Variants in APOL4 observed in about 807,000 individuals in gnomAD.
APOL4 encodes the protein apolipoprotein L, 4.
APOL4 carries 14 observed loss-of-function variants against 12.1 expected under a neutral mutation model. That is an observed-to-expected ratio of 1.16 (90% CI 0.76 to 1.81). The LOEUF (loss-of-function observed/expected upper bound fraction) is 1.81, where lower values mean the gene tolerates loss of function less well. APOL4 is among the 40% of genes most tolerant of loss of function. APOL4 has a pLI of 0.00. For synonymous variants in APOL4, 171 were observed against 160.6 expected (o/e 1.06, Z -0.49); for missense variants, 432 against 423.1 (o/e 1.02, Z -0.18).
At chr22:36,202,035 A>G (rs6000181), upstream of APOL4, 28 of 1,613,934 alleles carry the variant, frequency 1.7e-5, no homozygotes, top group African/African-American at 2.5e-4. Flanking sequence ...AGCTCCCTCC[A>G]TGTCGCTGCG....
At chr22:36,197,369 T>C in intron 2 of APOL4, 1 of 374,268 alleles carries the variant, frequency 2.7e-6, no homozygotes, top group Non-Finnish European at 4.7e-6. Flanking sequence ...CAGTGCTGAC[T>C]TGGCTGGGCG....
At chr22:36,203,052 G>T (rs2014631828), upstream of APOL4, among the ~76,000 whole-genome samples, 1 of 152,158 alleles carries the variant, frequency 6.6e-6, no homozygotes, top group Non-Finnish European at 1.5e-5. Context: ...TCCACAGGTG[G>T]CTTTTGAATC....
upstream of APOL4, among the ~76,000 whole-genome samples, chr22:36,202,927 G>A (rs1465332772): frequency 6.6e-6 from 1 of 152,112 alleles, no homozygotes; most frequent in Non-Finnish European, 1.5e-5. Context: ...CTGCCCTTGT[G>A]ACTCTGCTAT....
At chr22:36,201,979 T>G, upstream of APOL4, 1 of 1,614,134 alleles carries the variant, frequency 6.2e-7, no homozygotes, top group East Asian at 2.2e-5. Flanking sequence ...CTCAGGGCTC[T>G]GAGCCAAGCT....
chr22:36,192,120 C>G (rs2014274047), intron 3 of APOL4, among the ~76,000 whole-genome samples: 1 of 152,154 alleles, frequency 6.6e-6, no homozygotes, highest in Non-Finnish European at 1.5e-5. Context: ...ATGGGTGGAT[C>G]ACAAGGTCAG....
chr22:36,197,087 C>T (rs2014432084), intron 2 of APOL4, among the ~76,000 whole-genome samples: 5 of 152,156 alleles, frequency 3.3e-5, no homozygotes, highest in African/African-American at 1.2e-4. Context: ...ACCTCTGAAC[C>T]CAGCTGGCCC....
At chr22:36,201,045 C>T (rs757403854) in intron 1 of APOL4, among the ~76,000 whole-genome samples, 46 of 151,928 alleles carry the variant, frequency 3.0e-4, no homozygotes, top group Admixed American at 1.1e-3. Flanking sequence ...TACAAAGTTG[C>T]TAATGGAAGA....
At chr22:36,198,589 G>T (rs1301502813) in intron 2 of APOL4, among the ~76,000 whole-genome samples, 1 of 152,198 alleles carries the variant, frequency 6.6e-6, no homozygotes, top group Non-Finnish European at 1.5e-5. Context: ...CGGGAAGGGG[G>T]TGGCTTCCAC....
intron 2 of APOL4, among the ~76,000 whole-genome samples, chr22:36,195,866 C>G (rs1023861950): frequency 1.3e-5 from 2 of 151,236 alleles, no homozygotes; most frequent in Non-Finnish European, 2.9e-5. Flanking sequence ...CCTCTGTAAG[C>G]CAGGAGCAGA....
At chr22:36,199,114 G>A (rs1231551692) in intron 2 of APOL4, among the ~76,000 whole-genome samples, 3 of 152,260 alleles carry the variant, frequency 2.0e-5, no homozygotes, top group Non-Finnish European at 4.4e-5. Flanking sequence ...ACCCGCTGAG[G>A]AGAGGTCAGG....
intron 2 of APOL4, chr22:36,197,602 C>A (rs1365122993): frequency 6.7e-7 from 1 of 1,497,010 alleles, no homozygotes; most frequent in South Asian, 1.3e-5. Flanking sequence ...AAACTGCAAG[C>A]TATGAATCTG....
chr22:36,199,589 CA>C, intron 1 of APOL4: 1 of 1,557,954 alleles, frequency 6.4e-7, no homozygotes, highest in Non-Finnish European at 8.7e-7. Context: ...ACTCTCACAC[CA>C]AGGAAAAGTC....
upstream of APOL4, among the ~76,000 whole-genome samples, chr22:36,202,484 T>C (rs749232826): frequency 3.3e-5 from 5 of 152,066 alleles, no homozygotes; most frequent in Non-Finnish European, 7.4e-5. Context: ...TCCCAGCACT[T>C]TGGGAGGCCG....
chr22:36,193,329 CT>C (rs776398931), intron 3 of APOL4, among the ~76,000 whole-genome samples: 1 of 152,184 alleles, frequency 6.6e-6, no homozygotes, highest in Non-Finnish European at 1.5e-5. Flanking sequence ...TGAATAAAGG[CT>C]TCCTTCCTGA....
At chr22:36,201,148 A>G (rs550250555) in intron 1 of APOL4, among the ~76,000 whole-genome samples, 2 of 151,426 alleles carry the variant, frequency 1.3e-5, no homozygotes, top group South Asian at 4.2e-4. Flanking sequence ...ATGATACTAT[A>G]AATAATAACA....
chr22:36,200,165 A>T (rs1177675044), intron 1 of APOL4, among the ~76,000 whole-genome samples: 2 of 152,068 alleles, frequency 1.3e-5, no homozygotes, highest in East Asian at 1.9e-4. Flanking sequence ...AGCCCGGGAG[A>T]TGGGTACCAC....
At position 36,197,146 on chromosome 22, in the gene APOL4, T is replaced by C. The variant is rs554454118; in HGVS notation, c.83-1709A>G. 8.6e-3 allele frequency among the ~76,000 whole-genome samples: 1,311 copies of C among 152,312 alleles called. 20 individuals are homozygous for C. Among genetic ancestry groups the C allele is most frequent in the African/African-American group, 0.03 (1,255 of 41,548 alleles). Reference sequence around the variant, plus strand: ...TGTTTCAGAGGGAGAGCTTCTTCCTTGGCCGCCCAGCCCAGCCCTTCCTAA... The same window carrying C: ...TGTTTCAGAGGGAGAGCTTCTTCCTCGGCCGCCCAGCCCAGCCCTTCCTAA... On this transcript the variant is annotated intron_variant, in intron 2 of 3. Coordinates refer to ENST00000683024, the MANE Select transcript of APOL4 (RefSeq NM_001386885.1).
In APOL4 at chr22:36,195,360, T is replaced by G; in HGVS notation, c.160A>C (p.Thr54Pro). The G allele has an allele frequency of 6.2e-7, 1 of 1,613,882 alleles. No individual in the cohort carries two copies. Among genetic ancestry groups the G allele is most frequent in the South Asian group, 1.1e-5 (1 of 91,076 alleles). The change falls in exon 3 of 4, where the codon ACT (threonine) becomes CCT (proline). Residue 54 changes from threonine (T) to proline (P), a missense_variant. Thr to Pro is a conservative substitution (Grantham distance 38). Coordinates refer to ENST00000683024, the MANE Select transcript of APOL4 (RefSeq NM_001386885.1). Reference protein sequence around the residue: ...VSPVHLKILLTSDEAWKRFVR... With the variant: ...VSPVHLKILLPSDEAWKRFVR... Reference sequence around the variant, plus strand: ...AATCTCTTCCAGGCTTCATCGCTAGTCAGCAGGATTTTCAGATGCACTGGG... The same window carrying G: ...AATCTCTTCCAGGCTTCATCGCTAGGCAGCAGGATTTTCAGATGCACTGGG...
In APOL4 at chr22:36,190,024, G is replaced by T. The variant is rs1252416854; in HGVS notation, c.*1051C>A. ...GGAACCTGCCCCGATGGTCACGTAG[G>T]TTCTTTTCTATTTTCCCTAAGTGTT... On this transcript the variant is annotated 3_prime_UTR_variant, in exon 4 of 4. Coordinates refer to ENST00000683024, the MANE Select transcript of APOL4 (RefSeq NM_001386885.1). The T allele has an allele frequency of 1.7e-5, 3 of 178,018 alleles. No homozygotes were observed. The highest frequency in any genetic ancestry group is 3.7e-5 in the Non-Finnish European group (3 of 82,056). 11.0% of individuals were successfully genotyped at this position (178,018 alleles called of 1,614,324 possible).
Sources: gnomAD v4.1 joint callset for allele counts (sites outside exome capture counted in the v4.1 genomes callset) on GRCh38, gnomAD v4.1.1 for gene constraint, MANE v1.5 for transcripts, NCBI Gene and HGNC (gene_info 2026-07-23, HGNC 2026-07-21) for gene names.